SOX6: variants seen among roughly 807,000 people sequenced by gnomAD.
SOX6 encodes the protein transcription factor SOX-6.
In SOX6, 11 loss-of-function variants were observed where a neutral mutation model predicts 97.8. The ratio of observed to expected loss-of-function variants is 0.11; its 90% CI spans 0.07 to 0.19. The LOEUF (loss-of-function observed/expected upper bound fraction) is 0.19, where lower values mean the gene tolerates loss of function less well. SOX6 is among the 10% of genes least tolerant of loss of function. The pLI is 1.00. For missense variants in SOX6, 810 were observed against 1,039.5 expected (o/e 0.78, Z 3.04); for synonymous variants, 360 against 371.4 (o/e 0.97, Z 0.35).
At chr11:16,444,658 A>C (rs889859308) in intron 1 of SOX6, among the ~76,000 whole-genome samples, 2 of 152,208 alleles carry the variant, frequency 1.3e-5, no homozygotes, top group Non-Finnish European at 2.9e-5. Flanking sequence ...TAAACTAAGA[A>C]AATGTGTCCT....
intron 2 of SOX6, among the ~76,000 whole-genome samples, chr11:16,322,502 G>A (rs1855958718): frequency 6.6e-6 from 1 of 152,102 alleles, no homozygotes; most frequent in African/African-American, 2.4e-5. Flanking sequence ...CCAGTCTCAG[G>A]TATTTCTTTA....
At chr11:16,191,673 A>G (rs1039121630) in intron 4 of SOX6, among the ~76,000 whole-genome samples, 1 of 152,050 alleles carries the variant, frequency 6.6e-6, no homozygotes, top group Non-Finnish European at 1.5e-5. Context: ...GCTCCCACAT[A>G]AAAACAGAGG....
intron 2 of SOX6, among the ~76,000 whole-genome samples, chr11:16,721,003 T>TA (rs1848257112): frequency 6.6e-6 from 1 of 152,080 alleles, no homozygotes; most frequent in South Asian, 2.1e-4. Flanking sequence ...TCAAAGGAAA[T>TA]AGACTGTAGC....
intron 4 of SOX6, among the ~76,000 whole-genome samples, chr11:16,510,010 CT>C (rs1222046068): frequency 6.6e-6 from 1 of 151,982 alleles, no homozygotes; most frequent in Admixed American, 6.6e-5. Context: ...AATCTTATAT[CT>C]GTCTTTTAAG....
chr11:16,519,219 CA>C (rs367598638), intron 4 of SOX6, among the ~76,000 whole-genome samples: 80 of 151,526 alleles, frequency 5.3e-4, no homozygotes, highest in South Asian at 1.3e-3. Flanking sequence ...TTTTTTAATT[CA>C]GGGGGTACAT....
rs559464209 is a variant in SOX6, at chr11:16,469,303, G to GTA, written c.-5+7010_-5+7011dup. On this transcript the variant is annotated intron_variant, in intron 1 of 15. Coordinates refer to the SOX6 transcript ENST00000396356. ...CAATATTCAGGGACTGGTCCAAAAA[G>GTA]TAAGTGCAGGAGTTTCATTAGACAA... Among the ~76,000 whole-genome samples, 566 of 152,180 alleles carry GTA rather than the reference G, an allele frequency of 3.7e-3. 3 individuals carry two copies. Among genetic ancestry groups the GTA allele is most frequent in the African/African-American group, 0.013 (529 of 41,556 alleles).
intron 4 of SOX6, among the ~76,000 whole-genome samples, chr11:16,515,122 A>G (rs889509524): frequency 6.0e-5 from 9 of 149,872 alleles, no homozygotes; most frequent in Admixed American, 2.0e-4. Context: ...GAATCGCCAC[A>G]CTGACTTCCA....
At chr11:16,602,177 A>G (rs964044996) in intron 4 of SOX6, among the ~76,000 whole-genome samples, 1 of 152,232 alleles carries the variant, frequency 6.6e-6, no homozygotes, top group Non-Finnish European at 1.5e-5. Context: ...AAAACATCAA[A>G]TAAAAGCAAC....
At chr11:16,082,411 T>G (rs1564944650) in intron 9 of SOX6, among the ~76,000 whole-genome samples, 1 of 152,172 alleles carries the variant, frequency 6.6e-6, no homozygotes, top group Non-Finnish European at 1.5e-5. Flanking sequence ...AGCTTTTCTT[T>G]ATAGATTTCT....
intron 4 of SOX6, among the ~76,000 whole-genome samples, chr11:16,549,177 A>AT (rs1002121271): frequency 7.9e-5 from 12 of 151,804 alleles, no homozygotes; most frequent in East Asian, 7.8e-4. Flanking sequence ...ACTAAAAAAA[A>AT]TTTTTTTTTG....
chr11:16,517,163 T>C (rs1394507083), intron 4 of SOX6, among the ~76,000 whole-genome samples: 5 of 152,102 alleles, frequency 3.3e-5, no homozygotes, highest in Non-Finnish European at 5.9e-5. Flanking sequence ...AAATTAGCTA[T>C]TGATGGGATG....
At chr11:16,368,409 G>T (rs1378130633) in intron 1 of SOX6, among the ~76,000 whole-genome samples, 1 of 152,114 alleles carries the variant, frequency 6.6e-6, no homozygotes, top group Non-Finnish European at 1.5e-5. Flanking sequence ...TTGTGCCCAG[G>T]AGGTCAAGGC....
At chr11:16,431,541 G>A (rs1165996245) in intron 1 of SOX6, among the ~76,000 whole-genome samples, 4 of 151,876 alleles carry the variant, frequency 2.6e-5, no homozygotes, top group East Asian at 3.9e-4. Flanking sequence ...TAATTAAGAC[G>A]ATACATGGTG....
At chr11:16,253,458 G>T (rs574242462) in intron 3 of SOX6, among the ~76,000 whole-genome samples, 24 of 152,058 alleles carry the variant, frequency 1.6e-4, no homozygotes, top group Non-Finnish European at 2.9e-4. Flanking sequence ...AATTAATATG[G>T]CTAAGAATTT....
At chr11:16,029,526 C>G (rs1459183570) in intron 12 of SOX6, among the ~76,000 whole-genome samples, 1 of 151,922 alleles carries the variant, frequency 6.6e-6, no homozygotes, top group Non-Finnish European at 1.5e-5. Flanking sequence ...ATCCGAGGCA[C>G]TCGGGAGGCT....
chr11:16,245,649 T>C (rs1184941779), intron 3 of SOX6, among the ~76,000 whole-genome samples: 1 of 151,740 alleles, frequency 6.6e-6, no homozygotes, highest in Non-Finnish European at 1.5e-5. Context: ...AGAAATATTA[T>C]GTCTTCTTGG....
At chr11:16,392,777 T>C (rs1858224919) in intron 1 of SOX6, among the ~76,000 whole-genome samples, 1 of 152,054 alleles carries the variant, frequency 6.6e-6, no homozygotes, top group African/African-American at 2.4e-5. Context: ...CCTTTTTTTA[T>C]TATTCATATG....
At chr11:16,120,552 C>T (rs932582867) in intron 6 of SOX6, among the ~76,000 whole-genome samples, 2 of 134,944 alleles carry the variant, frequency 1.5e-5, no homozygotes, top group Admixed American at 1.6e-4. Context: ...TAATAAAGAG[C>T]TAACTTCACA....
At chr11:16,582,355 T>C (rs900359369) in intron 4 of SOX6, among the ~76,000 whole-genome samples, 2 of 152,174 alleles carry the variant, frequency 1.3e-5, no homozygotes, top group African/African-American at 4.8e-5. Context: ...ACATTAGAAA[T>C]AACATATCTG....
Sources: gnomAD v4.1 joint callset for allele counts (sites outside exome capture counted in the v4.1 genomes callset) on GRCh38, gnomAD v4.1.1 for gene constraint, MANE v1.5 for transcripts, NCBI Gene and HGNC (gene_info 2026-07-23, HGNC 2026-07-21) for gene names.